The following KIAA0586 variants were observed in gnomAD, a reference collection of about 807,000 sequenced individuals.
KIAA0586 encodes KIAA0586, also known as protein TALPID3.
Under a neutral mutation model 169.8 loss-of-function variants are expected in KIAA0586, and 144 were observed. The ratio of observed to expected loss-of-function variants is 0.85; its 90% CI spans 0.74 to 0.97. The LOEUF is 0.97. KIAA0586 is among the 50% of genes least tolerant of loss of function. The pLI is 0.00. For missense variants in KIAA0586, 1,854 were observed against 1,823.0 expected, an observed-to-expected ratio of 1.02 and a Z score of -0.31; for synonymous variants, 625 against 612.4, an observed-to-expected ratio of 1.02 and a Z score of -0.30.
chr14:58,478,000 T>G (rs2041774558), intron 20 of KIAA0586, among the ~76,000 whole-genome samples: 1 of 152,144 alleles, frequency 6.6e-6, no homozygotes, highest in African/African-American at 2.4e-5. Flanking sequence ...GTGTACAGTT[T>G]GACAAGTTTT....
At chr14:58,445,852 T>C (rs1370224679) in intron 6 of KIAA0586, among the ~76,000 whole-genome samples, 1 of 149,250 alleles carries the variant, frequency 6.7e-6, no homozygotes, top group Non-Finnish European at 1.5e-5. Flanking sequence ...TTTAATTTCC[T>C]TTTTTTTCTA....
At chr14:58,477,662 G>A (rs1478076037) in intron 20 of KIAA0586, among the ~76,000 whole-genome samples, 1 of 151,994 alleles carries the variant, frequency 6.6e-6, no homozygotes, top group Non-Finnish European at 1.5e-5. Flanking sequence ...TGGTTAAAAT[G>A]AGCCTCTTTC....
chr14:58,525,745 G>A (rs1050660174), intron 29 of KIAA0586, among the ~76,000 whole-genome samples: 2 of 152,200 alleles, frequency 1.3e-5, no homozygotes, highest in Non-Finnish European at 2.9e-5. Flanking sequence ...GCTGAAGCCA[G>A]GGAGCCAAGT....
intron 8 of KIAA0586, among the ~76,000 whole-genome samples, chr14:58,451,727 G>A (rs545133950): frequency 1.3e-5 from 2 of 151,950 alleles, no homozygotes; most frequent in East Asian, 1.9e-4. Flanking sequence ...TCTGTCACCC[G>A]GGCTGGAGTG....
intron 27 of KIAA0586, among the ~76,000 whole-genome samples, chr14:58,503,839 G>A (rs959293152): frequency 5.9e-5 from 9 of 151,584 alleles, no homozygotes; most frequent in African/African-American, 9.7e-5. Context: ...AGGGTTAATC[G>A]TGGAAATGCA....
At chr14:58,461,886 C>T (rs944733822) in intron 14 of KIAA0586, among the ~76,000 whole-genome samples, 1 of 152,216 alleles carries the variant, frequency 6.6e-6, no homozygotes, top group African/African-American at 2.4e-5. Flanking sequence ...TTTTGAGTCA[C>T]ATCTACTGTT....
rs2140662420 is a variant in KIAA0586 at position 58,448,384 on chromosome 14, T to C, written c.852T>C (p.Pro284=). The C allele has an allele frequency of 1.2e-6, 2 of 1,607,478 alleles. No homozygotes were observed. Among genetic ancestry groups the C allele is most frequent in the Admixed American group, 3.3e-5 (2 of 59,840 alleles). ...SAALKTSSFQ[P]VSMPSSRAVE... The stretch of plus-strand genomic sequence containing the variant: ...CACTCAAGACTAGTAGTTTTCAGCC[T>C]GTTAGTATGCCCTCCTCCAGAGCAG... Residue 284 remains proline (P), a synonymous_variant, in exon 7 of 31, where the codon CCT becomes CCC. Coordinates refer to ENST00000652326, the MANE Select transcript of KIAA0586 (RefSeq NM_001329943.3).
At chr14:58,517,880 C>T (rs1243967635) in intron 29 of KIAA0586, among the ~76,000 whole-genome samples, 1 of 152,124 alleles carries the variant, frequency 6.6e-6, no homozygotes, top group African/African-American at 2.4e-5. Flanking sequence ...TAAAAGGCTA[C>T]ATACTGTATG....
chr14:58,542,771 A>G (rs2046723851), intron 30 of KIAA0586, among the ~76,000 whole-genome samples: 1 of 152,082 alleles, frequency 6.6e-6, no homozygotes, highest in Admixed American at 6.5e-5. Flanking sequence ...GTAAGAGCTG[A>G]TATGTTTGTG....
chr14:58,444,822 A>G (rs1268992121), intron 6 of KIAA0586, among the ~76,000 whole-genome samples: 1 of 151,672 alleles, frequency 6.6e-6, no homozygotes, highest in African/African-American at 2.4e-5. Flanking sequence ...GCTTTATAAA[A>G]ATATTTGTGC....
At chr14:58,452,877 G>C (rs1045190940) in intron 8 of KIAA0586, among the ~76,000 whole-genome samples, 1 of 151,206 alleles carries the variant, frequency 6.6e-6, no homozygotes, top group East Asian at 1.9e-4. Flanking sequence ...TATTTGATGA[G>C]TGTATTTATG....
intron 16 of KIAA0586, among the ~76,000 whole-genome samples, chr14:58,469,431 G>A (rs867984469): frequency 6.6e-6 from 1 of 152,114 alleles, no homozygotes; most frequent in Admixed American, 6.6e-5. Context: ...GACAGCGTAG[G>A]CCCACTAACC....
Position 58,428,242 on chromosome 14 carries a change from G to C in KIAA0586, c.-23G>C. 6.2e-7 allele frequency: 1 copy of C among 1,609,242 alleles called. No individual in the cohort carries two copies. Among genetic ancestry groups the C allele is most frequent in the Non-Finnish European group, 8.5e-7 (1 of 1,177,892 alleles). On this transcript the variant is annotated 5_prime_UTR_variant, in exon 1 of 31. Transcript: ENST00000652326. ...GAAAGTTTTTCCGTCCTTAAGTGTG[G>C]GACTTGTTTTGTGACCAACAATATG...
At chr14:58,558,011 G>A in the KIAA0586 span, among the ~76,000 whole-genome samples, 1 of 138,342 alleles carries the variant, frequency 7.2e-6, no homozygotes, top group African/African-American at 2.7e-5. Context: ...TCGGGTTCAA[G>A]CAATTCTCCC....
chr14:58,525,214 CTT>C (rs1262212865), intron 29 of KIAA0586, among the ~76,000 whole-genome samples: 1 of 152,008 alleles, frequency 6.6e-6, no homozygotes, highest in Non-Finnish European at 1.5e-5. Context: ...AATTGTTTCT[CTT>C]CAGTGAATAT....
chr14:58,556,917 G>T, the KIAA0586 span, among the ~76,000 whole-genome samples: 48 of 151,990 alleles, frequency 3.2e-4, no homozygotes, highest in Non-Finnish European at 6.6e-4. Context: ...GGCTAATTTT[G>T]TATTTTTAGT....
At chr14:58,498,155 C>T (rs931238162) in intron 26 of KIAA0586, among the ~76,000 whole-genome samples, 9 of 151,926 alleles carry the variant, frequency 5.9e-5, no homozygotes, top group African/African-American at 1.7e-4. Context: ...GTATTACAGG[C>T]ATGAGCCACC....
At position 58,492,245 on chromosome 14, in the gene KIAA0586, A is replaced by G; in HGVS notation, c.3960A>G (p.Ala1320=). 2.6e-6 allele frequency: 4 copies of G among 1,551,226 alleles called. No homozygotes were observed. Among genetic ancestry groups the G allele is most frequent in the Non-Finnish European group, 3.5e-6 (4 of 1,146,900 alleles). The change falls in exon 26 of 31, where the codon GCA becomes GCG. Residue 1320 remains alanine, a synonymous_variant. Coordinates refer to ENST00000652326, the MANE Select transcript of KIAA0586 (RefSeq NM_001329943.3). ...LSFAKQNQES[A]VSQQAVYHSE... ...TTGCTAAACAAAACCAGGAGTCAGC[A>G]GTTTCCCAGCAAGCAGTCTATCATT... is the stretch of plus-strand genomic sequence containing the variant.
chr14:58,555,099 C>CTTTTTTTTTT (rs35845234), downstream of KIAA0586, among the ~76,000 whole-genome samples: 32 of 102,548 alleles, frequency 3.1e-4, 1 homozygote, highest in Non-Finnish European at 3.9e-4. Context: ...TTCTTTCTTT[C>CTTTTTTTTTT]TTTTTTTTTT....
Sources: gnomAD v4.1 joint callset for allele counts (sites outside exome capture counted in the v4.1 genomes callset) on GRCh38, gnomAD v4.1.1 for gene constraint, MANE v1.5 for transcripts, NCBI Gene and HGNC (gene_info 2026-07-23, HGNC 2026-07-21) for gene names.